Variants in XXYLT1 observed in about 807,000 individuals in gnomAD.
The protein encoded by XXYLT1 is xyloside xylosyltransferase 1, also known as UDP-xylose:alpha-xyloside alpha-1,3-xylosyltransferase.
In XXYLT1, 20 loss-of-function variants were observed where a neutral mutation model predicts 28.9. The ratio of observed to expected loss-of-function variants is 0.69; its 90% CI spans 0.49 to 1.00. The LOEUF (loss-of-function observed/expected upper bound fraction) is 1.00, where lower values mean the gene tolerates loss of function less well. XXYLT1 is among the 50% of genes least tolerant of loss of function. XXYLT1 has a pLI of 0.00. For missense variants in XXYLT1, 542 were observed against 560.1 expected (o/e 0.97, Z 0.33); for synonymous variants, 257 against 253.8 (o/e 1.01, Z -0.12).
intron 1 of XXYLT1, among the ~76,000 whole-genome samples, chr3:195,261,658 G>A (rs183717717): frequency 6.6e-6 from 1 of 152,234 alleles, no homozygotes; most frequent in African/African-American, 2.4e-5. Context: ...GGGTAAGGAG[G>A]GGAAAGTCAA....
intron 2 of XXYLT1, among the ~76,000 whole-genome samples, chr3:195,223,986 G>A (rs6779217): frequency 0.033 from 5,035 of 152,080 alleles, 304 homozygotes; most frequent in African/African-American, 0.11. Context: ...GAGAAACTCC[G>A]TCTCTACTAA....
chr3:195,110,209 TGTGCGTGTGTG>T (rs1717465797), intron 3 of XXYLT1, among the ~76,000 whole-genome samples: 1 of 46,458 alleles, frequency 2.2e-5, no homozygotes, highest in African/African-American at 5.8e-5. Context: ...ATGTGTGGTG[TGTGCGTGTGTG>T]GTGTATAAGT....
chr3:195,252,168 A>T (rs552769449), intron 1 of XXYLT1, among the ~76,000 whole-genome samples: 13 of 152,384 alleles, frequency 8.5e-5, no homozygotes, highest in African/African-American at 3.1e-4. Context: ...ACAAAGCAGT[A>T]ATACATATAT....
intron 1 of XXYLT1, among the ~76,000 whole-genome samples, chr3:195,245,653 G>A (rs1325081532): frequency 6.6e-6 from 1 of 152,210 alleles, no homozygotes; most frequent in Non-Finnish European, 1.5e-5. Flanking sequence ...TCTCATGTTG[G>A]AGTGTGATTC....
intron 2 of XXYLT1, among the ~76,000 whole-genome samples, chr3:195,224,279 A>T (rs986139614): frequency 3.9e-5 from 6 of 152,326 alleles, no homozygotes; most frequent in Admixed American, 3.3e-4. Flanking sequence ...CTCCTGATGC[A>T]TGCCCCTCAG....
rs58495088 is a variant in XXYLT1, at chr3:195,076,624, G to A, written c.786-6513C>T. Among the ~76,000 whole-genome samples, 10,326 of 152,226 alleles carry A rather than the reference G, an allele frequency of 0.068. 559 individuals carry two copies. The highest frequency in any genetic ancestry group is 0.19 in the East Asian group (963 of 5,176). ...AGCAGCAGAAAGGTGCTGCCTCTCC[G>A]TTCGGCGGGCTGGAAGTCCAAGATC... On this transcript the variant is annotated intron_variant, in intron 3 of 3. Coordinates refer to ENST00000310380, the MANE Select transcript of XXYLT1 (RefSeq NM_152531.5). The surrounding 1 kb of genome is among the most constrained non-coding windows in gnomAD (Gnocchi z 5.3).
chr3:195,069,898 G>A lies in XXYLT1; in HGVS notation c.999C>T (p.Phe333=). 1 of 1,614,086 alleles carries A rather than the reference G, an allele frequency of 6.2e-7. No homozygotes were observed. The highest frequency in any genetic ancestry group is 8.5e-7 in the Non-Finnish European group (1 of 1,180,026). ...HFRGHLGDQD[F]FTMIGMEHPK... ...GGTGCTCCATGCCGATCATGGTGAA[G>A]AAGTCCTGGTCCCCGAGGTGGCCGC... Residue 333 remains phenylalanine (F), a synonymous_variant, in exon 4 of 4, where the codon TTC becomes TTT. Coordinates refer to ENST00000310380, the MANE Select transcript of XXYLT1 (RefSeq NM_152531.5).
At position 195,210,912 on chromosome 3, in the gene XXYLT1, C is replaced by T. The variant is rs1049273146; in HGVS notation, c.652+15797G>A. Among the ~76,000 whole-genome samples the T allele has an allele frequency of 1.1e-4, 17 of 152,174 alleles. No individual in the cohort carries two copies. Among genetic ancestry groups the T allele is most frequent in the African/African-American group, 4.1e-4 (17 of 41,444 alleles). On this transcript the variant is annotated intron_variant, in intron 2 of 3. Transcript: ENST00000310380. The surrounding 1 kb of genome is among the most constrained non-coding windows in gnomAD (Gnocchi z 4.8). ...GCTCCTCCCCCCAGCTGAACGCTGA[C>T]AGTCAAGGGCAGCACCCGCCACAGC...
chr3:195,244,963 C>T (rs1342023545), intron 1 of XXYLT1, among the ~76,000 whole-genome samples: 1 of 149,954 alleles, frequency 6.7e-6, no homozygotes, highest in Non-Finnish European at 1.5e-5. Flanking sequence ...GTCGGGAGTT[C>T]AAGACCAGCC....
In XXYLT1 at chr3:195,069,915, G is replaced by A. The variant is rs375653228; in HGVS notation, c.982C>T (p.Leu328Phe). 1.2e-6 allele frequency: 2 copies of A among 1,613,768 alleles called. No homozygotes were observed. Among genetic ancestry groups the A allele is most frequent in the African/African-American group, 2.7e-5 (2 of 74,946 alleles). The part of the protein sequence containing the change: ...LADKYHFRGH[L>F]GDQDFFTMIG... ...ATGGTGAAGAAGTCCTGGTCCCCGA[G>A]GTGGCCGCGGAAGTGGTACTTGTCG... The change falls in exon 4 of 4, where the codon CTC (leucine) becomes TTC (phenylalanine). Residue 328 changes from leucine (L) to phenylalanine (F), a missense_variant. Physicochemically the swap from Leu to Phe is conservative, Grantham distance 22. Coordinates refer to ENST00000310380, the MANE Select transcript of XXYLT1 (RefSeq NM_152531.5).
Position 195,115,126 on chromosome 3 carries a change from G to A in XXYLT1, c.785+41323C>T, listed in dbSNP as rs185803564. Among the ~76,000 whole-genome samples the A allele has an allele frequency of 2.4e-4, 37 of 152,354 alleles. 1 individual carries two copies. Among genetic ancestry groups the A allele is most frequent in the Admixed American group, 1.6e-3 (25 of 15,294 alleles). On this transcript the variant is annotated intron_variant, in intron 3 of 3. Transcript: ENST00000310380. The surrounding 1 kb of genome is among the most constrained non-coding windows in gnomAD (Gnocchi z 4.2). Reference sequence around the variant, plus strand: ...TAAGCTTCCCAGATGCCCAAACGGCGAGAGCTCGGGACGTGAATCAGGTGC... The same window carrying A: ...TAAGCTTCCCAGATGCCCAAACGGCAAGAGCTCGGGACGTGAATCAGGTGC...
chr3:195,252,692 C>CCA (rs774827660), intron 1 of XXYLT1, among the ~76,000 whole-genome samples: 34,863 of 82,922 alleles, frequency 0.42, 7,349 homozygotes, highest in Admixed American at 0.49. Flanking sequence ...AGAAAAAAAA[C>CCA]CACACACACA....
Position 195,069,548 on chromosome 3 carries a change from G to T in XXYLT1, c.*167C>A, listed in dbSNP as rs1169567441. On this transcript the variant is annotated 3_prime_UTR_variant, in exon 4 of 4. Transcript: ENST00000310380. ...GCAGTGCACAGGCCAGTCCTTGGCG[G>T]GTGGCCTCAGCACAGTGACCTGCCC... 2 of 953,688 alleles carry T rather than the reference G, an allele frequency of 2.1e-6. No homozygotes were observed. The highest frequency in any genetic ancestry group is 3.1e-6 in the Non-Finnish European group (2 of 647,102). The allele number at this position is 953,688 out of a possible 1,614,324, so 59.1% of individuals were successfully genotyped here.
chr3:195,142,991 TA>T (rs1288650134), intron 3 of XXYLT1, among the ~76,000 whole-genome samples: 1 of 152,118 alleles, frequency 6.6e-6, no homozygotes, highest in African/African-American at 2.4e-5. Context: ...CTCAGACAAT[TA>T]AAGTAATTGC....
At chr3:195,143,853 TAGATATATATAGATATAGATATATATA>T (rs1719668866) in intron 3 of XXYLT1, among the ~76,000 whole-genome samples, 3 of 111,234 alleles carry the variant, frequency 2.7e-5, no homozygotes, top group South Asian at 3.2e-4. Flanking sequence ...GATATATATA[TAGATATATATAGATATAGATATATATA>T]TATATATATT....
rs1324511838 is a variant in XXYLT1 at position 195,077,043 on chromosome 3, G to A, written c.786-6932C>T. 6.6e-6 allele frequency among the ~76,000 whole-genome samples: 1 copy of A among 152,154 alleles called. No individual in the cohort carries two copies. The highest frequency in any genetic ancestry group is 1.5e-5 in the Non-Finnish European group (1 of 68,038). On this transcript the variant is annotated intron_variant, in intron 3 of 3. Transcript: ENST00000310380. The surrounding 1 kb of genome is among the most constrained non-coding windows in gnomAD (Gnocchi z 4.8). ...TGGAGAAAAACACCACAGCTCACTG[G>A]TACCTTGTTCTCACTGTCCAGGGAC...
chr3:195,112,418 A>G (rs137911587), intron 3 of XXYLT1, among the ~76,000 whole-genome samples: 325 of 139,488 alleles, frequency 2.3e-3, no homozygotes, highest in African/African-American at 8.1e-3. Flanking sequence ...GTGCGCGCAC[A>G]CACACACATG....
In XXYLT1 at chr3:195,208,783, C is replaced by T. The variant is rs767570020; in HGVS notation, c.652+17926G>A. On this transcript the variant is annotated intron_variant, in intron 2 of 3. Coordinates refer to ENST00000310380, the MANE Select transcript of XXYLT1 (RefSeq NM_152531.5). ...TGAGTCCCACTTTCTCACGGGGGAG[C>T]GAGGTGAGGGAAAAGGAAGGGCAGA... Among the ~76,000 whole-genome samples the T allele has an allele frequency of 5.3e-5, 8 of 151,970 alleles. No individual in the cohort carries two copies. In the East Asian group the frequency reaches 7.7e-4, roughly 15 times the overall value.
At chr3:195,089,118 G>C (rs1272397758) in intron 3 of XXYLT1, among the ~76,000 whole-genome samples, 1 of 150,318 alleles carries the variant, frequency 6.7e-6, no homozygotes, top group African/African-American at 2.4e-5. Context: ...TATTATCCAG[G>C]AGAACTTCCC....
Sources: gnomAD v4.1 joint callset for allele counts (sites outside exome capture counted in the v4.1 genomes callset) on GRCh38, gnomAD v4.1.1 for gene constraint, Gnocchi (gnomAD v3.1) non-coding constraint, MANE v1.5 for transcripts, NCBI Gene and HGNC (gene_info 2026-07-23, HGNC 2026-07-21) for gene names.